The following SPATA17 variants were observed in gnomAD, a reference collection of about 807,000 sequenced individuals.
SPATA17 encodes spermatogenesis-associated protein 17.
Under a neutral mutation model 62.2 loss-of-function variants are expected in SPATA17, and 53 were observed. The observed-to-expected ratio is 0.85, with a 90% CI of 0.68 to 1.07. SPATA17 has a LOEUF of 1.07. SPATA17 is among the 50% of genes least tolerant of loss of function. SPATA17 has a pLI of 0.00. For synonymous variants in SPATA17, 146 were observed against 146.8 expected (o/e 0.99, Z 0.04); for missense variants, 466 against 425.5 (o/e 1.10, Z -0.84).
At chr1:217,660,489 G>A (rs960559588) in intron 3 of SPATA17, among the ~76,000 whole-genome samples, 7 of 152,236 alleles carry the variant, frequency 4.6e-5, no homozygotes, top group African/African-American at 1.7e-4. Context: ...ATTAACATCA[G>A]TATGTGCCAG....
chr1:217,866,067 A>C (rs1676004989), intron 10 of SPATA17, among the ~76,000 whole-genome samples: 1 of 152,128 alleles, frequency 6.6e-6, no homozygotes, highest in South Asian at 2.1e-4. Context: ...TCCAGAGGGA[A>C]TAAGATCTTA....
intron 5 of SPATA17, among the ~76,000 whole-genome samples, chr1:217,718,796 C>T (rs1050007596): frequency 6.6e-6 from 1 of 152,098 alleles, no homozygotes; most frequent in Non-Finnish European, 1.5e-5. Flanking sequence ...AATTGTTGCC[C>T]TGCCACCCAA....
intron 6 of SPATA17, among the ~76,000 whole-genome samples, chr1:217,771,275 C>G (rs995801244): frequency 6.6e-6 from 1 of 151,314 alleles, no homozygotes; most frequent in Non-Finnish European, 1.5e-5. Flanking sequence ...GTTGGTCACT[C>G]TAGAAAATTA....
At chr1:217,757,191 C>T (rs1238641433) in intron 6 of SPATA17, among the ~76,000 whole-genome samples, 1 of 151,934 alleles carries the variant, frequency 6.6e-6, no homozygotes, top group African/African-American at 2.4e-5. Context: ...GTGTTAGAGC[C>T]CAATACATAA....
chr1:217,809,525 G>T (rs1393659756), intron 9 of SPATA17, among the ~76,000 whole-genome samples: 1 of 152,134 alleles, frequency 6.6e-6, no homozygotes, highest in Admixed American at 6.5e-5. Context: ...GGTGGAGAAG[G>T]TCAAAGGGGA....
intron 5 of SPATA17, among the ~76,000 whole-genome samples, chr1:217,705,584 G>T (rs1401021726): frequency 1.3e-5 from 2 of 151,700 alleles, no homozygotes; most frequent in Non-Finnish European, 2.9e-5. Context: ...GGGATTACAG[G>T]TGTGTGCCAC....
At chr1:217,755,056 A>T (rs528515238) in intron 6 of SPATA17, among the ~76,000 whole-genome samples, 1 of 152,272 alleles carries the variant, frequency 6.6e-6, no homozygotes, top group African/African-American at 2.4e-5. Context: ...TTTGGATTTT[A>T]TGCAAAATGT....
At chr1:217,817,028 T>A (rs1465480952) in intron 9 of SPATA17, among the ~76,000 whole-genome samples, 1 of 152,116 alleles carries the variant, frequency 6.6e-6, no homozygotes, top group Non-Finnish European at 1.5e-5. Flanking sequence ...TTACAGGGAA[T>A]GGGGCTTTAA....
At chr1:217,774,117 A>G (rs1375129003) in intron 6 of SPATA17, among the ~76,000 whole-genome samples, 2 of 152,218 alleles carry the variant, frequency 1.3e-5, no homozygotes, top group Non-Finnish European at 2.9e-5. Flanking sequence ...TTAGTGCTCA[A>G]TTCTGAAAGA....
At chr1:217,756,583 G>C (rs893450899) in intron 6 of SPATA17, among the ~76,000 whole-genome samples, 13 of 152,148 alleles carry the variant, frequency 8.5e-5, no homozygotes, top group African/African-American at 3.1e-4. Flanking sequence ...CTGTTCACTT[G>C]AAAGCAACTT....
At chr1:217,802,977 A>G (rs997422465) in intron 9 of SPATA17, among the ~76,000 whole-genome samples, 7 of 152,056 alleles carry the variant, frequency 4.6e-5, no homozygotes, top group African/African-American at 1.7e-4. Flanking sequence ...CAATGGCGCA[A>G]TCTTGGCTCA....
Position 217,771,713 on chromosome 1 carries a change from A to G in SPATA17, c.520-2621A>G, listed in dbSNP as rs7553892. Among the ~76,000 whole-genome samples the G allele has an allele frequency of 7.5e-3, 1,140 of 152,290 alleles. 10 individuals carry two copies. The highest frequency in any genetic ancestry group is 0.026 in the African/African-American group (1,078 of 41,544). On this transcript the variant is annotated intron_variant, in intron 6 of 10. Coordinates refer to ENST00000366933, the MANE Select transcript of SPATA17 (RefSeq NM_138796.4). Reference sequence around the variant, plus strand: ...AAAATATATTTTCGATCTATATTTGATTTAAATTGCAAAGAGAATACACAT... The same window carrying G: ...AAAATATATTTTCGATCTATATTTGGTTTAAATTGCAAAGAGAATACACAT...
chr1:217,847,276 T>C (rs1383599407), intron 9 of SPATA17, among the ~76,000 whole-genome samples: 1 of 152,114 alleles, frequency 6.6e-6, no homozygotes, highest in Admixed American at 6.6e-5. Flanking sequence ...AAATTAGTTA[T>C]ATTTATGTGT....
intron 5 of SPATA17, among the ~76,000 whole-genome samples, chr1:217,727,263 A>AATAATG (rs1672285037): frequency 6.8e-6 from 1 of 147,658 alleles, no homozygotes; most frequent in African/African-American, 2.5e-5. Flanking sequence ...TAATAATAAT[A>AATAATG]ATAATAATAA....
rs983289369 is a variant in SPATA17, at chr1:217,728,544, A to G, written c.396-13431A>G. On this transcript the variant is annotated intron_variant, in intron 5 of 10. Coordinates refer to ENST00000366933, the MANE Select transcript of SPATA17 (RefSeq NM_138796.4). ...TTAATTTTTTTATGTTTTCTTTGAT[A>G]AAACTCATTTGTTTGCTTTTTGAAA... 6.6e-5 allele frequency among the ~76,000 whole-genome samples: 10 copies of G among 152,302 alleles called. 1 individual carries two copies. In the South Asian group the frequency reaches 1.7e-3, roughly 25 times the overall value.
At chr1:217,767,086 T>C (rs1673318453) in intron 6 of SPATA17, among the ~76,000 whole-genome samples, 1 of 152,176 alleles carries the variant, frequency 6.6e-6, no homozygotes, top group African/African-American at 2.4e-5. Context: ...TTTTTCTTTA[T>C]CTGAGAAAGT....
chr1:217,810,744 T>A (rs1179938510), intron 9 of SPATA17, among the ~76,000 whole-genome samples: 1 of 151,988 alleles, frequency 6.6e-6, no homozygotes, highest in Non-Finnish European at 1.5e-5. Flanking sequence ...TCATGGCAGA[T>A]GGTAGAAGGG....
chr1:217,647,743 A>C (rs1271230434), intron 1 of SPATA17, among the ~76,000 whole-genome samples: 1 of 151,752 alleles, frequency 6.6e-6, no homozygotes, highest in Non-Finnish European at 1.5e-5. Context: ...TTTTATTTTG[A>C]GACAGAGTCT....
At chr1:217,756,167 T>C (rs2102959240) in intron 6 of SPATA17, among the ~76,000 whole-genome samples, 1 of 152,294 alleles carries the variant, frequency 6.6e-6, no homozygotes, top group Middle Eastern at 3.4e-3. Flanking sequence ...TTAAAATAAT[T>C]TTAGATACAA....
Sources: allele counts gnomAD v4.1 joint callset (sites outside exome capture counted in the v4.1 genomes callset), GRCh38; gene constraint gnomAD v4.1.1; transcripts MANE v1.5; gene names NCBI Gene and HGNC (gene_info 2026-07-23, HGNC 2026-07-21).